Variants in CEP83 observed in about 807,000 individuals in gnomAD.
CEP83 encodes centrosomal protein 83.
CEP83 carries 70 observed loss-of-function variants against 101.9 expected under a neutral mutation model. That is an observed-to-expected ratio of 0.69 (90% CI 0.57 to 0.84). The LOEUF (loss-of-function observed/expected upper bound fraction) is 0.84. Among genes scored for constraint, CEP83 ranks in the 40% least tolerant of loss-of-function variants. The pLI is 0.00. For synonymous variants in CEP83, 264 were observed against 267.9 expected, an observed-to-expected ratio of 0.99 and a Z score of 0.14; for missense variants, 715 against 787.2, an observed-to-expected ratio of 0.91 and a Z score of 1.10.
At chr12:94,285,448 T>C in the CEP83 span, among the ~76,000 whole-genome samples, 1 of 152,158 alleles carries the variant, frequency 6.6e-6, no homozygotes, top group Non-Finnish European at 1.5e-5. Flanking sequence ...GGCATTGCTG[T>C]AGGGAGTCTA....
intron 4 of CEP83, among the ~76,000 whole-genome samples, chr12:94,405,595 A>T (rs543383144): frequency 2.6e-5 from 4 of 152,344 alleles, no homozygotes; most frequent in African/African-American, 9.6e-5. Context: ...AGATAGAATA[A>T]GAGCCCAGAT....
intron 11 of CEP83, among the ~76,000 whole-genome samples, chr12:94,359,938 A>G (rs2365455): frequency 0.31 from 46,475 of 152,046 alleles, 7,284 homozygotes; most frequent in Non-Finnish European, 0.34. Context: ...CACCATGATC[A>G]AGTTAGATTT....
intron 11 of CEP83, among the ~76,000 whole-genome samples, chr12:94,339,069 A>G (rs1364414251): frequency 2.0e-5 from 3 of 150,672 alleles, no homozygotes; most frequent in African/African-American, 7.3e-5. Context: ...GGTTCAAGTG[A>G]TTCTCCTGCC....
At chr12:94,437,031 T>G (rs370098955) in intron 1 of CEP83, among the ~76,000 whole-genome samples, 3 of 152,054 alleles carry the variant, frequency 2.0e-5, no homozygotes, top group Admixed American at 1.3e-4. Context: ...CCGGTTTTGA[T>G]AGATATCTAG....
intron 2 of CEP83, among the ~76,000 whole-genome samples, chr12:94,420,925 G>T (rs996969256): frequency 1.3e-5 from 2 of 152,100 alleles, no homozygotes; most frequent in African/African-American, 4.8e-5. Flanking sequence ...AATATTACTT[G>T]ATGAGGCTAG....
At chr12:94,275,722 G>T in the CEP83 span, among the ~76,000 whole-genome samples, 22 of 129,322 alleles carry the variant, frequency 1.7e-4, 3 homozygotes, top group South Asian at 5.2e-3. Context: ...GGGCGTAGTG[G>T]CGGGCGCCTG....
chr12:94,330,657 T>C (rs535228069), intron 14 of CEP83, among the ~76,000 whole-genome samples: 3 of 152,140 alleles, frequency 2.0e-5, no homozygotes, highest in Non-Finnish European at 2.9e-5. Flanking sequence ...TATTTCTGAA[T>C]TGGAAACAAA....
intron 2 of CEP83, among the ~76,000 whole-genome samples, chr12:94,435,058 A>G (rs1050763763): frequency 4.6e-5 from 7 of 152,214 alleles, no homozygotes; most frequent in Non-Finnish European, 8.8e-5. Context: ...TCTTGTAAGA[A>G]AAGTCAAGCT....
At chr12:94,336,425 T>C (rs1021297647) in intron 11 of CEP83, among the ~76,000 whole-genome samples, 1 of 152,228 alleles carries the variant, frequency 6.6e-6, no homozygotes, top group African/African-American at 2.4e-5. Flanking sequence ...CACCTATTTA[T>C]AGCTTGGTAT....
the CEP83 span, among the ~76,000 whole-genome samples, chr12:94,291,368 C>T: frequency 6.6e-6 from 1 of 152,118 alleles, no homozygotes; most frequent in Non-Finnish European, 1.5e-5. Context: ...GGACTACAGG[C>T]GTGTGCCACA....
At chr12:94,283,527 G>A in the CEP83 span, among the ~76,000 whole-genome samples, 1 of 152,188 alleles carries the variant, frequency 6.6e-6, no homozygotes, top group Non-Finnish European at 1.5e-5. Context: ...CAGGAATTGA[G>A]ATAAAGTAAT....
chr12:94,350,291 T>C (rs935694191), intron 11 of CEP83, among the ~76,000 whole-genome samples: 5 of 152,080 alleles, frequency 3.3e-5, no homozygotes, highest in African/African-American at 9.7e-5. Context: ...AAGACCAACA[T>C]ATAAGCAACT....
At chr12:94,393,791 T>C (rs1243645402) in intron 6 of CEP83, among the ~76,000 whole-genome samples, 2 of 152,124 alleles carry the variant, frequency 1.3e-5, no homozygotes, top group Admixed American at 6.5e-5. Flanking sequence ...GGATACAAAA[T>C]CAATGGGCAA....
the CEP83 span, among the ~76,000 whole-genome samples, chr12:94,289,843 T>C: frequency 4.0e-3 from 606 of 152,244 alleles, 4 homozygotes; most frequent in African/African-American, 0.014. Flanking sequence ...CACTCACACA[T>C]ACGCGCTCAC....
intron 6 of CEP83, among the ~76,000 whole-genome samples, chr12:94,390,191 A>G (rs546197008): frequency 6.6e-6 from 1 of 152,330 alleles, no homozygotes; most frequent in South Asian, 2.1e-4. Context: ...CCCGTGTAGC[A>G]TAACTGGGAG....
At chr12:94,434,379 A>G (rs2065853769) in intron 2 of CEP83, among the ~76,000 whole-genome samples, 1 of 152,266 alleles carries the variant, frequency 6.6e-6, no homozygotes, top group Non-Finnish European at 1.5e-5. Flanking sequence ...TTCTTTTTAT[A>G]GGTTACAATG....
At chr12:94,280,461 C>T in the CEP83 span, among the ~76,000 whole-genome samples, 2 of 152,336 alleles carry the variant, frequency 1.3e-5, no homozygotes, top group East Asian at 3.9e-4. Flanking sequence ...CCTCCCAGTC[C>T]AGCCCCCTGC....
rs117004338 is a variant in CEP83 at position 94,329,788 on chromosome 12, C to G, written c.1707+1912G>C. Among the ~76,000 whole-genome samples the G allele has an allele frequency of 7.9e-4, 120 of 152,202 alleles. 1 individual carries two copies. The East Asian group carries it at 0.022, about 28-fold the overall frequency. On this transcript the variant is annotated intron_variant, in intron 14 of 16. Coordinates refer to ENST00000397809, the MANE Select transcript of CEP83 (RefSeq NM_016122.3). Reference sequence around the variant, plus strand: ...TTCATACACTTTTCAGTACCTACATCGACAGAAAGGAAGAAAAGTGACATA... The same window carrying G: ...TTCATACACTTTTCAGTACCTACATGGACAGAAAGGAAGAAAAGTGACATA...
At chr12:94,333,999 C>T (rs1396727096) in intron 12 of CEP83, among the ~76,000 whole-genome samples, 1 of 151,888 alleles carries the variant, frequency 6.6e-6, no homozygotes, top group Non-Finnish European at 1.5e-5. Flanking sequence ...GCCTTCTCCT[C>T]ACCTCCTAGG....
Sources: gnomAD v4.1 joint callset for allele counts (sites outside exome capture counted in the v4.1 genomes callset) on GRCh38, gnomAD v4.1.1 for gene constraint, MANE v1.5 for transcripts, NCBI Gene and HGNC (gene_info 2026-07-23, HGNC 2026-07-21) for gene names.